Variants in RESF1 observed in about 807,000 individuals in gnomAD.
The protein encoded by RESF1 is gonad expressed transcript.
RESF1 carries 65 observed loss-of-function variants against 134.7 expected under a neutral mutation model. The ratio of observed to expected loss-of-function variants is 0.48; its 90% CI spans 0.40 to 0.59. The LOEUF (loss-of-function observed/expected upper bound fraction) is 0.59. RESF1 is among the 20% of genes least tolerant of loss of function. The pLI, the probability that RESF1 is intolerant of heterozygous loss-of-function variation, is 0.00. For missense variants in RESF1, 2,274 were observed against 2,002.7 expected, an observed-to-expected ratio of 1.14 and a Z score of -2.59; for synonymous variants, 762 against 702.2, an observed-to-expected ratio of 1.09 and a Z score of -1.35.
chr12:31,986,576 C>T (rs1195012161), intron 4 of RESF1, among the ~76,000 whole-genome samples: 3 of 152,144 alleles, frequency 2.0e-5, no homozygotes, highest in Admixed American at 2.0e-4. Context: ...TAAAGCCAAG[C>T]TGGCAGCTAT....
At chr12:31,969,921 CAT>C (rs1306272364) in intron 2 of RESF1, among the ~76,000 whole-genome samples, 1 of 152,172 alleles carries the variant, frequency 6.6e-6, no homozygotes, top group Non-Finnish European at 1.5e-5. Context: ...TCTTTCTATT[CAT>C]GTGTATGTGT....
chr12:31,991,704 C>CT (rs746533052), intron 5 of RESF1, among the ~76,000 whole-genome samples: 3 of 152,196 alleles, frequency 2.0e-5, no homozygotes, highest in Non-Finnish European at 4.4e-5. Flanking sequence ...TCACTGCAAC[C>CT]TCTGCCCAGC....
intron 3 of RESF1, among the ~76,000 whole-genome samples, chr12:31,979,162 C>T (rs1445213967): frequency 3.9e-5 from 6 of 152,136 alleles, no homozygotes; most frequent in African/African-American, 1.2e-4. Flanking sequence ...CCTCATGATC[C>T]GCCCACCTTG....
At chr12:31,967,604 C>G (rs1005725242) in intron 2 of RESF1, among the ~76,000 whole-genome samples, 1 of 151,862 alleles carries the variant, frequency 6.6e-6, no homozygotes, top group Non-Finnish European at 1.5e-5. Context: ...GGAGGGGCAG[C>G]CCTGCACGCC....
intron 5 of RESF1, among the ~76,000 whole-genome samples, chr12:31,990,475 TCTCGCTGTGTCGC>T (rs1437359943): frequency 3.3e-5 from 5 of 152,188 alleles, no homozygotes; most frequent in Admixed American, 3.3e-4. Flanking sequence ...TTTTAGACAG[TCTCGCTGTGTCGC>T]CCAGGCTGGA....
intron 2 of RESF1, among the ~76,000 whole-genome samples, chr12:31,969,503 C>CA (rs772120828): frequency 6.6e-6 from 1 of 151,780 alleles, no homozygotes; most frequent in South Asian, 2.1e-4. Flanking sequence ...GACCCTGTCT[C>CA]AAAAAAAATA....
At chr12:31,974,284 G>A (rs1220932798) in intron 3 of RESF1, among the ~76,000 whole-genome samples, 1 of 151,918 alleles carries the variant, frequency 6.6e-6, no homozygotes, top group East Asian at 1.9e-4. Context: ...TAGTGCAAAA[G>A]ATTGTATACC....
Position 31,983,816 on chromosome 12 carries a change from T to C in RESF1, c.2861T>C (p.Phe954Ser), listed in dbSNP as rs3809228. ...DNTTENKDFG[F>S]QKDKPVQCTD... ...ACCACTGAAAATAAAGACTTTGGTT[T>C]TCAAAAAGATAAACCTGTACAGTGC... Residue 954 changes from phenylalanine to serine, a missense_variant, in exon 4 of 6, where the codon TTT becomes TCT. Coordinates refer to ENST00000312561, the MANE Select transcript of RESF1 (RefSeq NM_018169.4). The C allele has an allele frequency of 0.01, 16,454 of 1,612,152 alleles. 904 individuals are homozygous for C. The East Asian group carries it at 0.19, about 18-fold the overall frequency.
rs1437218669 is a variant in RESF1 at position 31,981,850 on chromosome 12, A to G, written c.895A>G (p.Lys299Glu). The G allele has an allele frequency of 1.9e-6, 3 of 1,614,000 alleles. No individual in the cohort carries two copies. In the East Asian group the frequency reaches 6.7e-5, roughly 36 times the overall value. Residue 299 changes from lysine to glutamate, a missense_variant, in exon 4 of 6, where the codon AAA becomes GAA. Transcript: ENST00000312561. Reference sequence around the variant, plus strand: ...TTTGCAAAGTACTCAGCATATTACTAAACACTTGTCTATGGAAGTTCCTCA... The same window carrying G: ...TTTGCAAAGTACTCAGCATATTACTGAACACTTGTCTATGGAAGTTCCTCA... ...QPLQSTQHITKHLSMEVPQSR... is the reference protein window; with the variant it reads ...QPLQSTQHITEHLSMEVPQSR...
chr12:31,980,526 T>A (rs1171950042), intron 3 of RESF1, among the ~76,000 whole-genome samples: 2 of 152,230 alleles, frequency 1.3e-5, no homozygotes, highest in Admixed American at 6.5e-5. Flanking sequence ...TTCCCTTTTT[T>A]TTTAAATTCT....
chr12:31,988,259 G>GT (rs1314276413), intron 5 of RESF1, among the ~76,000 whole-genome samples: 2 of 152,122 alleles, frequency 1.3e-5, no homozygotes, highest in African/African-American at 2.4e-5. Context: ...ATTAAGTGTG[G>GT]TTGAGGTATA....
chr12:31,965,409 C>T (rs1340023243), intron 2 of RESF1, among the ~76,000 whole-genome samples: 1 of 152,142 alleles, frequency 6.6e-6, no homozygotes, highest in Non-Finnish European at 1.5e-5. Context: ...CATGGTAAAC[C>T]TCTAGAGAGT....
intron 3 of RESF1, among the ~76,000 whole-genome samples, chr12:31,971,663 A>C (rs1042499751): frequency 2.6e-5 from 4 of 152,200 alleles, no homozygotes; most frequent in African/African-American, 9.7e-5. Context: ...AAATTCGAGC[A>C]GTCTCCAAAG....
rs1197847813 is a variant in RESF1 at position 31,984,675 on chromosome 12, T to G, written c.3720T>G (p.Thr1240=). 6.9e-6 allele frequency: 11 copies of G among 1,585,602 alleles called. No homozygotes were observed. The highest frequency in any genetic ancestry group is 2.0e-5 in the Admixed American group (1 of 50,526). The change falls in exon 4 of 6, where the codon ACT becomes ACG. Residue 1240 remains threonine (T), a synonymous_variant. Transcript: ENST00000312561. The part of the protein sequence containing the change: ...QFKSLVNNPK[T]PPDGKSHFPE... ...AGAGCCTTGTAAATAATCCAAAGACTCCTCCAGATGGGAAAAGTCATTTTC... is the reference window on the plus strand; with the variant it reads ...AGAGCCTTGTAAATAATCCAAAGACGCCTCCAGATGGGAAAAGTCATTTTC...
In RESF1 at chr12:31,963,851, A is replaced by G. The variant is rs926817021; in HGVS notation, c.-247+2980A>G. Among the ~76,000 whole-genome samples, 62 of 152,212 alleles carry G rather than the reference A, an allele frequency of 4.1e-4. 1 individual carries two copies. Among genetic ancestry groups the G allele is most frequent in the Non-Finnish European group, 1.3e-4 (9 of 68,032 alleles). On this transcript the variant is annotated intron_variant, in intron 2 of 5. Transcript: ENST00000312561. ...CATGTTTTCAAGGCTCATTTATGTTAACACATGTATGTTACTTCATTCGTT... is the reference window on the plus strand; with the variant it reads ...CATGTTTTCAAGGCTCATTTATGTTGACACATGTATGTTACTTCATTCGTT...
chr12:31,961,726 T>C (rs1347040800), intron 2 of RESF1, among the ~76,000 whole-genome samples: 2 of 152,234 alleles, frequency 1.3e-5, no homozygotes, highest in African/African-American at 2.4e-5. Flanking sequence ...CTGTCACTAC[T>C]GGTCCACATC....
chr12:31,985,144 C>A lies in RESF1; in HGVS notation c.4189C>A (p.Gln1397Lys). The change falls in exon 4 of 6, where the codon CAG becomes AAG. Residue 1397 changes from glutamine to lysine, a missense_variant. Coordinates refer to ENST00000312561, the MANE Select transcript of RESF1 (RefSeq NM_018169.4). The part of the protein sequence containing the change: ...VKKKKHDKQE[Q>K]KGSVGATFKL... ...GAAAAAGAAACATGATAAACAAGAA[C>A]AGAAAGGAAGTGTGGGAGCTACATT... 2 of 1,549,766 alleles carry A rather than the reference C, an allele frequency of 1.3e-6. No individual in the cohort carries two copies. The highest frequency in any genetic ancestry group is 8.6e-7 in the Non-Finnish European group (1 of 1,156,648).
In RESF1 at chr12:31,981,158, A is replaced by G. The variant is rs534895903; in HGVS notation, c.203A>G (p.Asn68Ser). 3 of 1,614,124 alleles carry G rather than the reference A, an allele frequency of 1.9e-6. No individual in the cohort carries two copies. The African/African-American group carries it at 4.0e-5, about 22-fold the overall frequency. Residue 68 changes from asparagine (N) to serine (S), a missense_variant, in exon 4 of 6, where the codon AAT (asparagine) becomes AGT (serine). Coordinates refer to ENST00000312561, the MANE Select transcript of RESF1 (RefSeq NM_018169.4). ...PISQPLLNIQ[N>S]YPQQISVSDM... Reference sequence around the variant, plus strand: ...TCACAGCCACTGCTGAATATCCAAAATTATCCTCAACAAATTTCTGTTTCT... The same window carrying G: ...TCACAGCCACTGCTGAATATCCAAAGTTATCCTCAACAAATTTCTGTTTCT...
Position 31,972,605 on chromosome 12 carries a change from CAAAAAAAA to C in RESF1, c.-79+2262_-79+2269del, listed in dbSNP as rs71064904. ...TGGGTGACAGAGTGAGACTCCGTCT[CAAAAAAAA>C]AAAAAAAAAAAAGTGGGGGCAGTCT... is the stretch of plus-strand genomic sequence containing the variant. On this transcript the variant is annotated intron_variant, in intron 3 of 5. Coordinates refer to ENST00000312561, the MANE Select transcript of RESF1 (RefSeq NM_018169.4). 5.4e-3 allele frequency among the ~76,000 whole-genome samples: 587 copies of C among 109,182 alleles called. 7 individuals are homozygous for C. The highest frequency in any genetic ancestry group is 0.019 in the African/African-American group (532 of 27,854). The allele number at this position is 109,182 out of a possible 152,430, so 71.6% of individuals were successfully genotyped here.
Sources: allele counts gnomAD v4.1 joint callset (sites outside exome capture counted in the v4.1 genomes callset), GRCh38; gene constraint gnomAD v4.1.1; transcripts MANE v1.5; gene names NCBI Gene and HGNC (gene_info 2026-07-23, HGNC 2026-07-21).